The following MAP2K4 variants were observed in gnomAD, a reference collection of about 807,000 sequenced individuals.
The protein encoded by MAP2K4 is dual specificity mitogen-activated protein kinase kinase 4.
A neutral mutation model predicts 48.5 loss-of-function variants in MAP2K4; 4 were observed. The observed-to-expected ratio is 0.08, with a 90% CI of 0.04 to 0.19. The LOEUF is 0.19. Ranked by LOEUF, MAP2K4 falls within the 10% of genes least tolerant of loss-of-function variation. The pLI, the probability that MAP2K4 is intolerant of heterozygous loss-of-function variation, is 1.00. For synonymous variants in MAP2K4, 166 were observed against 173.1 expected (o/e 0.96, Z 0.32); for missense variants, 258 against 493.3 (o/e 0.52, Z 4.52).
chr17:12,116,017 C>G (rs1972482016), intron 7 of MAP2K4: 2 of 369,200 alleles, frequency 5.4e-6, no homozygotes, highest in Non-Finnish European at 1.0e-5. Context: ...AGAAAAAAAC[C>G]AAATGACCGC....
chr17:12,033,858 A>G (rs368593332), intron 1 of MAP2K4, among the ~76,000 whole-genome samples: 23 of 152,286 alleles, frequency 1.5e-4, no homozygotes, highest in African/African-American at 5.3e-4. Context: ...GTGTTTCCCA[A>G]GTTGGAGCCC....
chr17:12,094,871 C>G (rs540046513), intron 3 of MAP2K4, among the ~76,000 whole-genome samples: 13 of 152,190 alleles, frequency 8.5e-5, no homozygotes, highest in Non-Finnish European at 1.3e-4. Flanking sequence ...AAAGAGCCCT[C>G]TGTTTCCTCA....
chr17:12,056,132 A>T (rs1970276075), intron 2 of MAP2K4, among the ~76,000 whole-genome samples: 1 of 152,126 alleles, frequency 6.6e-6, no homozygotes, highest in Admixed American at 6.5e-5. Flanking sequence ...AAGCTAGTGC[A>T]AAACTAATTC....
intron 6 of MAP2K4, among the ~76,000 whole-genome samples, chr17:12,111,838 G>GACTAGGGGTCAAGTTA (rs1972316652): frequency 1.3e-5 from 2 of 150,598 alleles, no homozygotes; most frequent in African/African-American, 2.5e-5. Context: ...AGCACAATAT[G>GACTAGGGGTCAAGTTA]CTCCTCTTCC....
At chr17:12,060,753 G>A (rs148783250) in intron 2 of MAP2K4, among the ~76,000 whole-genome samples, 3 of 150,408 alleles carry the variant, frequency 2.0e-5, no homozygotes, top group Admixed American at 6.6e-5. Context: ...GTGTGCGCGC[G>A]TGTGTGTGTG....
intron 6 of MAP2K4, 91 bp downstream of exon 6, chr17:12,110,517 A>T: frequency 1.2e-6 from 1 of 863,922 alleles, no homozygotes; most frequent in East Asian, 2.5e-5. Flanking sequence ...GTCACTGTAT[A>T]AACTTTCCTA....
In MAP2K4 at chr17:12,142,957, G is replaced by T. The variant is rs1035080828; in HGVS notation, c.*1697G>T. 1 of 232,716 alleles carries T rather than the reference G, an allele frequency of 4.3e-6. No individual in the cohort carries two copies. The highest frequency in any genetic ancestry group is 8.5e-6 in the Non-Finnish European group (1 of 117,740). The allele number at this position is 232,716 out of a possible 1,614,324, so 14.4% of individuals were successfully genotyped here. ...TGCTGTGTCTCCTCTCAGAGTGACAGTCATAAATACTGTCAAACAATAAAG... is the reference window on the plus strand; with the variant it reads ...TGCTGTGTCTCCTCTCAGAGTGACATTCATAAATACTGTCAAACAATAAAG... On this transcript the variant is annotated 3_prime_UTR_variant, in exon 11 of 11. Coordinates refer to ENST00000353533, the MANE Select transcript of MAP2K4 (RefSeq NM_003010.4).
At chr17:12,116,332 CAGTG>C (rs1746786957) in intron 7 of MAP2K4, among the ~76,000 whole-genome samples, 1 of 152,230 alleles carries the variant, frequency 6.6e-6, no homozygotes, top group Non-Finnish European at 1.5e-5. Flanking sequence ...CTGGATGAGT[CAGTG>C]AGTGAGTGGT....
intron 4 of MAP2K4, among the ~76,000 whole-genome samples, chr17:12,099,087 T>A (rs1043017977): frequency 1.3e-5 from 2 of 151,940 alleles, no homozygotes; most frequent in Admixed American, 1.3e-4. Context: ...GGTCTCCAGT[T>A]CCGTATTCTG....
chr17:12,120,400 C>T (rs901234932), intron 7 of MAP2K4, among the ~76,000 whole-genome samples: 11 of 152,002 alleles, frequency 7.2e-5, no homozygotes, highest in African/African-American at 2.7e-4. Flanking sequence ...GCAGAAGTTG[C>T]AGTGAGCTGA....
chr17:12,115,718 G>A (rs1972469445), intron 7 of MAP2K4: 3 of 764,382 alleles, frequency 3.9e-6, no homozygotes, highest in Non-Finnish European at 4.9e-6. Context: ...CACCAAGCTG[G>A]GAAAACCACT....
chr17:12,082,691 G>A (rs1360562488), intron 3 of MAP2K4, among the ~76,000 whole-genome samples: 1 of 152,106 alleles, frequency 6.6e-6, no homozygotes, highest in Admixed American at 6.5e-5. Context: ...TTAGTGGTAG[G>A]GAAAATTTTT....
chr17:12,140,789 ATTC>A (rs1373196397), intron 10 of MAP2K4, among the ~76,000 whole-genome samples: 1 of 152,188 alleles, frequency 6.6e-6, no homozygotes, highest in Admixed American at 6.5e-5. Context: ...CATTTGCGTC[ATTC>A]TTCTTAGCTC....
intron 2 of MAP2K4, among the ~76,000 whole-genome samples, chr17:12,068,021 C>T (rs1228534337): frequency 1.3e-5 from 2 of 152,032 alleles, no homozygotes; most frequent in Non-Finnish European, 2.9e-5. Flanking sequence ...GTGAGTTTTA[C>T]TAGATTTGGG....
intron 1 of MAP2K4, among the ~76,000 whole-genome samples, chr17:12,049,302 A>G (rs546726959): frequency 4.6e-5 from 7 of 152,342 alleles, no homozygotes; most frequent in Admixed American, 3.9e-4. Flanking sequence ...AAGGTATTCT[A>G]TGAATGACTT....
At chr17:12,036,092 T>C (rs1017493578) in intron 1 of MAP2K4, among the ~76,000 whole-genome samples, 1 of 152,332 alleles carries the variant, frequency 6.6e-6, no homozygotes, top group African/African-American at 2.4e-5. Flanking sequence ...TTTTATAGAT[T>C]ATAGTTCATG....
At chr17:12,128,395 TATTTTTC>T (rs1972922996) in intron 8 of MAP2K4, among the ~76,000 whole-genome samples, 2 of 152,174 alleles carry the variant, frequency 1.3e-5, no homozygotes, top group South Asian at 4.1e-4. Context: ...AGGTTTTCAT[TATTTTTC>T]AGAACAGAAA....
chr17:12,069,892 T>C (rs1423735567), intron 2 of MAP2K4: 11 of 1,712 alleles, frequency 6.4e-3, no homozygotes, highest in South Asian at 0.061. Flanking sequence ...AGATTAGTCA[T>C]ATATATATAT....
chr17:12,029,370 T>G lies in MAP2K4; in HGVS notation c.115+8369T>G, dbSNP rs571491574. On this transcript the variant is annotated intron_variant, in intron 1 of 10. Transcript: ENST00000353533. Reference sequence around the variant, plus strand: ...TAAATATTATTCTTGATATTTATTCTAAGATTTAATTAAACTTGCCTGGGG... The same window carrying G: ...TAAATATTATTCTTGATATTTATTCGAAGATTTAATTAAACTTGCCTGGGG... Among the ~76,000 whole-genome samples the G allele has an allele frequency of 9.2e-5, 14 of 152,328 alleles. No individual in the cohort carries two copies. In the South Asian group the frequency reaches 2.5e-3, roughly 27 times the overall value.
Sources: gnomAD v4.1 joint callset for allele counts (sites outside exome capture counted in the v4.1 genomes callset) on GRCh38, gnomAD v4.1.1 for gene constraint, MANE v1.5 for transcripts, NCBI Gene and HGNC (gene_info 2026-07-23, HGNC 2026-07-21) for gene names.